SLC44A5: variants seen among roughly 807,000 people sequenced by gnomAD.
SLC44A5 encodes choline transporter-like protein 5.
In SLC44A5, 57 loss-of-function variants were observed where a neutral mutation model predicts 101.8. The observed-to-expected ratio is 0.56, with a 90% CI of 0.45 to 0.70. The LOEUF (loss-of-function observed/expected upper bound fraction) is 0.70, where lower values mean the gene tolerates loss of function less well. SLC44A5 is among the 30% of genes least tolerant of loss of function. SLC44A5 has a pLI of 0.00. For synonymous variants in SLC44A5, 281 were observed against 290.9 expected, an observed-to-expected ratio of 0.97 and a Z score of 0.35; for missense variants, 737 against 853.1, an observed-to-expected ratio of 0.86 and a Z score of 1.70.
In SLC44A5 at chr1:75,218,656, T is replaced by C. The variant is rs754460772; in HGVS notation, c.1363A>G (p.Thr455Ala). 6.2e-7 allele frequency: 1 copy of C among 1,613,748 alleles called. No individual in the cohort carries two copies. Among genetic ancestry groups the C allele is most frequent in the South Asian group, 1.1e-5 (1 of 91,072 alleles). The change falls in exon 17 of 24, where the codon ACC becomes GCC. Residue 455 changes from threonine to alanine, a missense_variant. Thr to Ala is a moderately conservative substitution (Grantham distance 58). Coordinates refer to ENST00000370859, the MANE Select transcript of SLC44A5 (RefSeq NM_001130058.2). ...ACAAATAAGTTGTATACATGGAAGG[T>C]AGGGATGTACTGATGGTACAAGCTC... ...GKSLYHQYIP[T>A]FHVYNLFVFL...
intron 2 of SLC44A5, among the ~76,000 whole-genome samples, chr1:75,444,461 G>GA (rs1426715454): frequency 8.3e-6 from 1 of 121,122 alleles, no homozygotes; most frequent in East Asian, 2.2e-4. Context: ...GAAAGAAAAA[G>GA]AAAAAAAGAA....
chr1:75,590,630 C>T (rs1674294290), intron 1 of SLC44A5, among the ~76,000 whole-genome samples: 1 of 152,130 alleles, frequency 6.6e-6, no homozygotes. Flanking sequence ...ACTTAAGAGT[C>T]CGTGGGCCTT....
In SLC44A5 at chr1:75,610,962, G is replaced by T. The variant is rs913242388; in HGVS notation, c.-70+78C>A. 2.0e-5 allele frequency: 9 copies of T among 461,192 alleles called. No individual in the cohort carries two copies. The Admixed American group carries it at 5.1e-4, about 26-fold the overall frequency. The allele number at this position is 461,192 out of a possible 1,614,324, so 28.6% of individuals were successfully genotyped here. A position where few individuals can be genotyped will look rare whatever the true frequency, so the allele number is the denominator to read the frequency against. On this transcript the variant is annotated intron_variant, in intron 1 of 23. Transcript: ENST00000370859. Reference sequence around the variant, plus strand: ...GTGTGTGTATTTCTTGAGTTGTATAGAATACGTACTTATGAATAACAAACT... The same window carrying T: ...GTGTGTGTATTTCTTGAGTTGTATATAATACGTACTTATGAATAACAAACT...
At chr1:75,616,070 CGCCGCCCCTCTGCTCTCG>C (rs1476202023), upstream of SLC44A5, among the ~76,000 whole-genome samples, 1 of 151,742 alleles carries the variant, frequency 6.6e-6, no homozygotes, top group Non-Finnish European at 1.5e-5. Flanking sequence ...GGGCGGGCGC[CGCCGCCCCTCTGCTCTCG>C]GCCGCGCCGC....
intron 1 of SLC44A5, among the ~76,000 whole-genome samples, chr1:75,546,825 G>GA (rs1304610432): frequency 3.3e-5 from 5 of 151,840 alleles, no homozygotes; most frequent in Non-Finnish European, 7.4e-5. Flanking sequence ...TGTGTATTAT[G>GA]AAAAAAAGAA....
At chr1:75,558,474 T>A (rs896487733) in intron 1 of SLC44A5, among the ~76,000 whole-genome samples, 2 of 152,082 alleles carry the variant, frequency 1.3e-5, no homozygotes, top group Admixed American at 1.3e-4. Context: ...CTTTTTGTCA[T>A]CTACATGCAT....
the SLC44A5 span, among the ~76,000 whole-genome samples, chr1:75,664,929 GAA>G: frequency 0.48 from 62,138 of 130,314 alleles, 13,438 homozygotes; most frequent in Middle Eastern, 0.62. Flanking sequence ...TCAAAAAAAA[GAA>G]AAAAAAAAAA....
intron 5 of SLC44A5, among the ~76,000 whole-genome samples, chr1:75,290,953 G>T (rs182401922): frequency 1.2e-3 from 181 of 152,306 alleles, no homozygotes; most frequent in African/African-American, 4.1e-3. Context: ...CAAGGTCTAT[G>T]AATTGGAAGG....
intron 3 of SLC44A5, among the ~76,000 whole-genome samples, chr1:75,359,652 A>G (rs1371372817): frequency 6.6e-6 from 1 of 152,120 alleles, no homozygotes; most frequent in Non-Finnish European, 1.5e-5. Context: ...ATAACTCTAT[A>G]ACATATTGAT....
chr1:75,500,043 C>A (rs1668874105), intron 2 of SLC44A5, among the ~76,000 whole-genome samples: 1 of 152,164 alleles, frequency 6.6e-6, no homozygotes, highest in African/African-American at 2.4e-5. Flanking sequence ...AGATGGCATA[C>A]CAATGAAGGC....
At chr1:75,544,008 A>G (rs1671507302) in intron 1 of SLC44A5, among the ~76,000 whole-genome samples, 1 of 152,172 alleles carries the variant, frequency 6.6e-6, no homozygotes, top group Admixed American at 6.5e-5. Flanking sequence ...TCAAACTTAC[A>G]GAAGAGTTGG....
chr1:75,442,398 A>T (rs1463225366), intron 2 of SLC44A5, among the ~76,000 whole-genome samples: 1 of 152,138 alleles, frequency 6.6e-6, no homozygotes, highest in Non-Finnish European at 1.5e-5. Context: ...ACCTTGAGTC[A>T]GGTTCCTCTG....
intron 2 of SLC44A5, among the ~76,000 whole-genome samples, chr1:75,418,970 T>C (rs944971321): frequency 1.3e-5 from 2 of 152,136 alleles, no homozygotes; most frequent in Non-Finnish European, 2.9e-5. Flanking sequence ...GTTCACCTTC[T>C]AGTAGTCCCA....
upstream of SLC44A5, among the ~76,000 whole-genome samples, chr1:75,612,224 T>C (rs1675686315): frequency 6.6e-6 from 1 of 152,148 alleles, no homozygotes; most frequent in African/African-American, 2.4e-5. Flanking sequence ...GATGTAGGAA[T>C]GCTCCTCTCC....
intron 6 of SLC44A5, among the ~76,000 whole-genome samples, chr1:75,256,063 T>G (rs1288389481): frequency 6.6e-6 from 1 of 152,058 alleles, no homozygotes; most frequent in Non-Finnish European, 1.5e-5. Flanking sequence ...GAGGCAGCCT[T>G]GGGATATAGG....
intron 11 of SLC44A5, among the ~76,000 whole-genome samples, chr1:75,236,603 G>A (rs772682468): frequency 2.5e-4 from 38 of 152,102 alleles, no homozygotes; most frequent in African/African-American, 4.3e-4. Flanking sequence ...AGGGAGGGAC[G>A]AATTAGAAAA....
chr1:75,455,790 A>G (rs979208128), intron 2 of SLC44A5, among the ~76,000 whole-genome samples: 2 of 152,192 alleles, frequency 1.3e-5, no homozygotes, highest in African/African-American at 4.8e-5. Context: ...GAGAAATCCA[A>G]ATCAAAACCG....
At chr1:75,205,022 G>T (rs766544951) in intron 23 of SLC44A5, 18 of 152,272 alleles carry the variant, frequency 1.2e-4, no homozygotes, top group Non-Finnish European at 2.1e-4. Flanking sequence ...TCTGCATTAT[G>T]CTTCAAGGAG....
At chr1:75,218,356 G>A in intron 17 of SLC44A5, 134 bp downstream of exon 17, 1 of 1,211,830 alleles carries the variant, frequency 8.3e-7, no homozygotes, top group Non-Finnish European at 1.2e-6. Flanking sequence ...CAAAACCAAT[G>A]GGCATCCATG....
Sources: gnomAD v4.1 joint callset for allele counts (sites outside exome capture counted in the v4.1 genomes callset) on GRCh38, gnomAD v4.1.1 for gene constraint, MANE v1.5 for transcripts, NCBI Gene and HGNC (gene_info 2026-07-23, HGNC 2026-07-21) for gene names.